The following ST6GALNAC3 variants were observed in gnomAD, a reference collection of about 807,000 sequenced individuals.
ST6GALNAC3 encodes the protein alpha-N-acetylgalactosaminide alpha-2,6-sialyltransferase 3.
In ST6GALNAC3, 25 loss-of-function variants were observed where a neutral mutation model predicts 32.7. The ratio of observed to expected loss-of-function variants is 0.76; its 90% CI spans 0.56 to 1.07. The LOEUF is 1.07. Among genes scored for constraint, ST6GALNAC3 ranks in the 50% least tolerant of loss-of-function variants. The pLI is 0.00. For missense variants in ST6GALNAC3, 355 were observed against 382.4 expected (o/e 0.93, Z 0.60); for synonymous variants, 129 against 133.1 (o/e 0.97, Z 0.21).
At chr1:76,392,152 A>C (rs1652614189) in intron 2 of ST6GALNAC3, among the ~76,000 whole-genome samples, 1 of 152,202 alleles carries the variant, frequency 6.6e-6, no homozygotes, top group Admixed American at 6.5e-5. Flanking sequence ...AAATGTCTCC[A>C]GACATTGCCA....
intron 1 of ST6GALNAC3, among the ~76,000 whole-genome samples, chr1:76,202,302 GTA>G (rs74310793): frequency 6.7e-6 from 1 of 148,382 alleles, no homozygotes. Flanking sequence ...GTGTGTGTGT[GTA>G]TGTACATACA....
rs967297171 is a variant in ST6GALNAC3, at chr1:76,236,416, T to C, written c.19-77389T>C. ...GGTGTGGATTAAATGAGTACAAAAA[T>C]TGCTATGTGAGGGTTTGCTCTAATT... On this transcript the variant is annotated intron_variant, in intron 1 of 4. Coordinates refer to ENST00000328299, the MANE Select transcript of ST6GALNAC3 (RefSeq NM_152996.4). 3.9e-5 allele frequency among the ~76,000 whole-genome samples: 6 copies of C among 152,320 alleles called. No individual in the cohort carries two copies. The South Asian group carries it at 1.0e-3, about 26-fold the overall frequency.
At chr1:76,153,848 C>G (rs1466657950) in intron 1 of ST6GALNAC3, among the ~76,000 whole-genome samples, 1 of 152,124 alleles carries the variant, frequency 6.6e-6, no homozygotes, top group African/African-American at 2.4e-5. Flanking sequence ...TGAAATGATG[C>G]TCTTGGCTGG....
intron 2 of ST6GALNAC3, among the ~76,000 whole-genome samples, chr1:76,355,175 C>T (rs909261642): frequency 6.6e-5 from 10 of 152,090 alleles, no homozygotes; most frequent in East Asian, 5.8e-4. Context: ...AGATGCCATG[C>T]GGTCAGAATT....
At chr1:76,613,150 T>G (rs1444642998) in intron 3 of ST6GALNAC3, among the ~76,000 whole-genome samples, 1 of 152,230 alleles carries the variant, frequency 6.6e-6, no homozygotes, top group Non-Finnish European at 1.5e-5. Context: ...CTTAATTTTC[T>G]GAGAGTTTGC....
chr1:76,077,329 GGAAA>G (rs995118971), intron 1 of ST6GALNAC3, among the ~76,000 whole-genome samples: 1 of 151,968 alleles, frequency 6.6e-6, no homozygotes, highest in African/African-American at 2.4e-5. Context: ...ATGTAGAAAA[GGAAA>G]GATTTTCCTC....
intron 1 of ST6GALNAC3, among the ~76,000 whole-genome samples, chr1:76,154,371 C>G (rs924489314): frequency 1.3e-5 from 2 of 152,128 alleles, no homozygotes; most frequent in East Asian, 3.9e-4. Context: ...TTAGTGAAGT[C>G]CCCGAAGAGC....
chr1:76,553,259 G>A (rs1257036569), intron 3 of ST6GALNAC3, among the ~76,000 whole-genome samples: 1 of 151,984 alleles, frequency 6.6e-6, no homozygotes, highest in East Asian at 1.9e-4. Flanking sequence ...TTTTAATATG[G>A]AGCATGTAAA....
At chr1:76,608,410 C>CA (rs959248655) in intron 3 of ST6GALNAC3, among the ~76,000 whole-genome samples, 1 of 152,086 alleles carries the variant, frequency 6.6e-6, no homozygotes, top group Non-Finnish European at 1.5e-5. Context: ...AGAAAGACAA[C>CA]AAATTTAAAA....
chr1:76,517,762 G>GATTA (rs71866554), intron 3 of ST6GALNAC3, among the ~76,000 whole-genome samples: 15,158 of 151,902 alleles, frequency 0.1, 941 homozygotes, highest in East Asian at 0.22. Context: ...CAGCGACTCA[G>GATTA]TGATTTTAAT....
chr1:76,134,827 A>G (rs1266881059), intron 1 of ST6GALNAC3, among the ~76,000 whole-genome samples: 1 of 152,228 alleles, frequency 6.6e-6, no homozygotes, highest in Non-Finnish European at 1.5e-5. Flanking sequence ...TACTAAAACT[A>G]TAACATTTTG....
chr1:76,089,480 A>T (rs1462629120), intron 1 of ST6GALNAC3, among the ~76,000 whole-genome samples: 1 of 152,234 alleles, frequency 6.6e-6, no homozygotes, highest in Non-Finnish European at 1.5e-5. Flanking sequence ...CAGAACTTTA[A>T]AAGTTAAAAT....
intron 3 of ST6GALNAC3, among the ~76,000 whole-genome samples, chr1:76,432,847 A>G (rs1036979788): frequency 6.6e-6 from 1 of 152,210 alleles, no homozygotes; most frequent in Non-Finnish European, 1.5e-5. Flanking sequence ...CTTCATTTGT[A>G]CCATCAAAAG....
At chr1:76,111,156 A>T (rs1404085437) in intron 1 of ST6GALNAC3, among the ~76,000 whole-genome samples, 1 of 152,214 alleles carries the variant, frequency 6.6e-6, no homozygotes, top group Non-Finnish European at 1.5e-5. Flanking sequence ...TGACTTACCA[A>T]TCTCTAATAA....
intron 3 of ST6GALNAC3, among the ~76,000 whole-genome samples, chr1:76,436,027 C>T (rs1656119637): frequency 6.6e-6 from 1 of 152,056 alleles, no homozygotes; most frequent in Non-Finnish European, 1.5e-5. Flanking sequence ...CCTTCCCACC[C>T]TTTCCCCCAG....
intron 1 of ST6GALNAC3, among the ~76,000 whole-genome samples, chr1:76,092,791 C>A (rs1647067385): frequency 6.6e-6 from 1 of 152,190 alleles, no homozygotes. Context: ...CAAGGCCATT[C>A]CATGGTGAGC....
At chr1:76,414,152 G>A (rs760353570) in intron 3 of ST6GALNAC3, among the ~76,000 whole-genome samples, 1 of 151,976 alleles carries the variant, frequency 6.6e-6, no homozygotes, top group Non-Finnish European at 1.5e-5. Context: ...TTTCTTACTG[G>A]CCATGATGAA....
intron 1 of ST6GALNAC3, among the ~76,000 whole-genome samples, chr1:76,115,322 C>G (rs1395730669): frequency 6.6e-6 from 1 of 151,320 alleles, no homozygotes; most frequent in East Asian, 1.9e-4. Flanking sequence ...TCCTCCTCCC[C>G]CTCAACACCT....
chr1:76,541,994 A>G (rs765131112), intron 3 of ST6GALNAC3, among the ~76,000 whole-genome samples: 1 of 152,218 alleles, frequency 6.6e-6, no homozygotes, highest in Admixed American at 6.5e-5. Flanking sequence ...AAAAAAAATT[A>G]GATTTTACTG....
Sources: allele counts gnomAD v4.1 joint callset (sites outside exome capture counted in the v4.1 genomes callset), GRCh38; gene constraint gnomAD v4.1.1; transcripts MANE v1.5; gene names NCBI Gene and HGNC (gene_info 2026-07-23, HGNC 2026-07-21).